The following NAALADL2 variants were observed in gnomAD, a reference collection of about 807,000 sequenced individuals.
NAALADL2 encodes inactive N-acetylated-alpha-linked acidic dipeptidase-like protein 2.
NAALADL2 carries 76 observed loss-of-function variants against 87.2 expected under a neutral mutation model. That is an observed-to-expected ratio of 0.87 (90% CI 0.72 to 1.05). NAALADL2 has a LOEUF of 1.05. Among genes scored for constraint, NAALADL2 ranks in the 50% least tolerant of loss-of-function variants. The pLI is 0.00. For missense variants in NAALADL2, 1,089 were observed against 945.8 expected (o/e 1.15, Z -1.99); for synonymous variants, 354 against 331.0 (o/e 1.07, Z -0.75).
At chr3:175,683,334 T>A (rs1006673591) in intron 11 of NAALADL2, among the ~76,000 whole-genome samples, 22 of 151,954 alleles carry the variant, frequency 1.4e-4, no homozygotes, top group Non-Finnish European at 5.9e-5. Flanking sequence ...TAGGTAAAGA[T>A]GTTCTTTAAC....
At chr3:174,628,725 C>T (rs1721833779) in intron 2 of NAALADL2, among the ~76,000 whole-genome samples, 2 of 152,106 alleles carry the variant, frequency 1.3e-5, no homozygotes, top group Non-Finnish European at 2.9e-5. Flanking sequence ...TGAGAGTTAA[C>T]CACTTTTTTT....
intron 2 of NAALADL2, among the ~76,000 whole-genome samples, chr3:174,658,505 T>C (rs1725199028): frequency 6.6e-6 from 1 of 152,152 alleles, no homozygotes; most frequent in African/African-American, 2.4e-5. Flanking sequence ...TTTGTATATT[T>C]TGTGTAAGTA....
chr3:175,226,290 T>C (rs531626954), intron 2 of NAALADL2, among the ~76,000 whole-genome samples: 1 of 152,272 alleles, frequency 6.6e-6, no homozygotes, highest in Admixed American at 6.5e-5. Context: ...TCCCAAACTG[T>C]GAAATTCATT....
At chr3:175,796,292 G>A (rs1753487167) in intron 13 of NAALADL2, among the ~76,000 whole-genome samples, 1 of 152,122 alleles carries the variant, frequency 6.6e-6, no homozygotes, top group African/African-American at 2.4e-5. Context: ...AGTAGTCTGT[G>A]CCTCTTGATG....
chr3:174,580,554 C>T (rs1009145416), intron 2 of NAALADL2, among the ~76,000 whole-genome samples: 1 of 152,084 alleles, frequency 6.6e-6, no homozygotes, highest in African/African-American at 2.4e-5. Flanking sequence ...TCTCCCATCA[C>T]TTCCTGTGCC....
At chr3:175,329,252 T>C (rs1761117811) in intron 5 of NAALADL2, among the ~76,000 whole-genome samples, 1 of 152,216 alleles carries the variant, frequency 6.6e-6, no homozygotes, top group South Asian at 2.1e-4. Context: ...TTATTTGTTT[T>C]AAATTCTGGA....
intron 3 of NAALADL2, among the ~76,000 whole-genome samples, chr3:174,760,574 AGCATCACTGAGAGCAG>A (rs1712797035): frequency 6.6e-6 from 1 of 152,196 alleles, no homozygotes; most frequent in African/African-American, 2.4e-5. Context: ...GATATGTGAT[AGCATCACTGAGAGCAG>A]GCAGCAGGAT....
At chr3:175,017,677 C>A (rs1751029410) in intron 1 of NAALADL2, among the ~76,000 whole-genome samples, 1 of 152,040 alleles carries the variant, frequency 6.6e-6, no homozygotes, top group Non-Finnish European at 1.5e-5. Flanking sequence ...CAGTCTCTTC[C>A]CAGAATAATT....
intron 2 of NAALADL2, among the ~76,000 whole-genome samples, chr3:175,146,831 T>A (rs34678528): frequency 0.29 from 44,759 of 151,954 alleles, 6,819 homozygotes; most frequent in Non-Finnish European, 0.34. Context: ...GCTTTTTTTT[T>A]AACTAAATTT....
chr3:175,518,449 A>T (rs1012185794), intron 9 of NAALADL2, among the ~76,000 whole-genome samples: 5 of 152,364 alleles, frequency 3.3e-5, no homozygotes, highest in African/African-American at 1.2e-4. Context: ...ACAAATATGT[A>T]TACATACTGT....
upstream of NAALADL2, among the ~76,000 whole-genome samples, chr3:174,854,800 T>A (rs527768973): frequency 5.9e-5 from 9 of 151,398 alleles, no homozygotes; most frequent in African/African-American, 1.7e-4. Context: ...AAATATTACG[T>A]ACTTTACATA....
chr3:174,999,447 T>C (rs1483876123), intron 1 of NAALADL2, among the ~76,000 whole-genome samples: 1 of 152,148 alleles, frequency 6.6e-6, no homozygotes, highest in Non-Finnish European at 1.5e-5. Flanking sequence ...TTATTTGAAC[T>C]GTATTAGCTT....
chr3:175,446,986 G>A (rs1720815356), intron 5 of NAALADL2, among the ~76,000 whole-genome samples: 1 of 152,058 alleles, frequency 6.6e-6, no homozygotes, highest in South Asian at 2.1e-4. Flanking sequence ...GACAATGGAG[G>A]TAAGTGCATA....
At chr3:174,802,762 T>A (rs750986378) in intron 3 of NAALADL2, among the ~76,000 whole-genome samples, 1 of 152,300 alleles carries the variant, frequency 6.6e-6, no homozygotes, top group East Asian at 1.9e-4. Flanking sequence ...GACAGTTTGC[T>A]TAGAATGATG....
intron 1 of NAALADL2, among the ~76,000 whole-genome samples, chr3:174,871,867 C>T (rs868390409): frequency 1.3e-5 from 2 of 151,994 alleles, no homozygotes; most frequent in South Asian, 4.2e-4. Context: ...CCACTGTACT[C>T]CAGCCGGGGT....
At chr3:174,518,684 A>G (rs1364921211) in intron 1 of NAALADL2, among the ~76,000 whole-genome samples, 1 of 151,376 alleles carries the variant, frequency 6.6e-6, no homozygotes, top group African/African-American at 2.4e-5. Flanking sequence ...TTTTAGCCAG[A>G]TTGAATTCGT....
intron 1 of NAALADL2, among the ~76,000 whole-genome samples, chr3:174,990,960 C>G (rs1025366736): frequency 3.3e-5 from 5 of 152,128 alleles, no homozygotes; most frequent in African/African-American, 1.2e-4. Flanking sequence ...GAATCCTGTT[C>G]ACTGTCAAAA....
intron 1 of NAALADL2, among the ~76,000 whole-genome samples, chr3:175,084,726 G>T (rs114563675): frequency 1.3e-5 from 2 of 152,022 alleles, no homozygotes; most frequent in African/African-American, 4.8e-5. Flanking sequence ...TGTGGTCAAA[G>T]AATTATCATA....
At chr3:175,793,933 G>A (rs554852870) in intron 13 of NAALADL2, among the ~76,000 whole-genome samples, 1 of 151,996 alleles carries the variant, frequency 6.6e-6, no homozygotes, top group Admixed American at 6.6e-5. Flanking sequence ...AGCTTAAATG[G>A]CAAACTTTTG....
Sources: gnomAD v4.1 joint callset for allele counts (sites outside exome capture counted in the v4.1 genomes callset) on GRCh38, gnomAD v4.1.1 for gene constraint, MANE v1.5 for transcripts, NCBI Gene and HGNC (gene_info 2026-07-23, HGNC 2026-07-21) for gene names.